ERBB4: variants seen among roughly 807,000 people sequenced by gnomAD.
ERBB4 encodes the protein erb-b2 receptor tyrosine kinase 4.
A neutral mutation model predicts 158.0 loss-of-function variants in ERBB4; 42 were observed. That is an observed-to-expected ratio of 0.27 (90% confidence interval 0.21 to 0.34). ERBB4 has a LOEUF of 0.34. Ranked by LOEUF, ERBB4 falls within the 10% of genes least tolerant of loss-of-function variation. ERBB4 has a pLI of 1.00. For missense variants in ERBB4, 1,333 were observed against 1,624.1 expected (o/e 0.82, Z 3.08); for synonymous variants, 583 against 558.7 (o/e 1.04, Z -0.61).
chr2:212,436,766 A>T (rs772854528), intron 1 of ERBB4, among the ~76,000 whole-genome samples: 51 of 152,116 alleles, frequency 3.4e-4, no homozygotes, highest in Admixed American at 1.2e-3. Context: ...TCCCATGAAC[A>T]TAACTAGAAT....
At chr2:211,818,883 TCC>T (rs2076933294) in intron 3 of ERBB4, among the ~76,000 whole-genome samples, 1 of 152,120 alleles carries the variant, frequency 6.6e-6, no homozygotes, top group Admixed American at 6.6e-5. Flanking sequence ...AGTTCTTGTC[TCC>T]AATTGAAACA....
intron 1 of ERBB4, among the ~76,000 whole-genome samples, chr2:212,443,490 C>G (rs1237876320): frequency 1.3e-5 from 2 of 152,210 alleles, no homozygotes; most frequent in South Asian, 2.1e-4. Context: ...TTGGCCCCTC[C>G]TACAACCCAG....
chr2:212,211,467 G>A (rs1165968114), intron 1 of ERBB4, among the ~76,000 whole-genome samples: 2 of 152,042 alleles, frequency 1.3e-5, no homozygotes, highest in African/African-American at 2.4e-5. Flanking sequence ...TGTCCTTAGT[G>A]CTTAGCTCTG....
At position 211,376,526 on chromosome 2, in the gene ERBB4, C is replaced by A. The variant is rs1234755132; in HGVS notation, c.*7089G>T. 8.6e-6 allele frequency: 2 copies of A among 232,570 alleles called. No individual in the cohort carries two copies. Among genetic ancestry groups the A allele is most frequent in the African/African-American group, 4.4e-5 (2 of 45,268 alleles). 14.4% of individuals were successfully genotyped at this position (232,570 alleles called of 1,614,324 possible). On this transcript the variant is annotated 3_prime_UTR_variant, in exon 28 of 28. Coordinates refer to ENST00000342788, the MANE Select transcript of ERBB4 (RefSeq NM_005235.3). ...GGCTTACCAGCAAGGTATTTTTGCA[C>A]CCCAATCCTTTGAAGATACTTCACA... is the stretch of plus-strand genomic sequence containing the variant.
chr2:212,360,315 G>T (rs1462454381), intron 1 of ERBB4, among the ~76,000 whole-genome samples: 4 of 151,584 alleles, frequency 2.6e-5, no homozygotes, highest in Admixed American at 6.6e-5. Flanking sequence ...CCAAAGAAAA[G>T]TTTTCAGCAT....
intron 7 of ERBB4, 75 bp downstream of exon 7, chr2:211,722,318 A>G: frequency 8.3e-7 from 1 of 1,209,706 alleles, no homozygotes; most frequent in Non-Finnish European, 1.2e-6. Flanking sequence ...TTCACATTAA[A>G]ATAAACTTAC....
intron 1 of ERBB4, among the ~76,000 whole-genome samples, chr2:212,140,826 T>C (rs2080438766): frequency 6.7e-6 from 1 of 150,094 alleles, no homozygotes; most frequent in Non-Finnish European, 1.5e-5. Context: ...ATTTCCCACC[T>C]GAATAGACTA....
intron 3 of ERBB4, among the ~76,000 whole-genome samples, chr2:211,878,921 A>G (rs1172732326): frequency 6.6e-6 from 1 of 152,218 alleles, no homozygotes; most frequent in Non-Finnish European, 1.5e-5. Context: ...AATGATAATA[A>G]CAAGAAAGAC....
At chr2:212,254,279 T>G (rs1574527338) in intron 1 of ERBB4, among the ~76,000 whole-genome samples, 1 of 152,258 alleles carries the variant, frequency 6.6e-6, no homozygotes, top group Non-Finnish European at 1.5e-5. Flanking sequence ...ACCCAGTGCC[T>G]AATTTCATAC....
chr2:211,539,722 T>C (rs1219381285), intron 20 of ERBB4, among the ~76,000 whole-genome samples: 1 of 151,972 alleles, frequency 6.6e-6, no homozygotes, highest in Non-Finnish European at 1.5e-5. Flanking sequence ...ACAAGCCTCC[T>C]TTAACCTTTC....
At chr2:212,067,007 C>T (rs2125437350) in intron 2 of ERBB4, among the ~76,000 whole-genome samples, 1 of 151,976 alleles carries the variant, frequency 6.6e-6, no homozygotes, top group Non-Finnish European at 1.5e-5. Context: ...TTTATAATAG[C>T]TTTTATATTT....
chr2:212,047,463 TTTTATTTA>T (rs561340076), intron 2 of ERBB4, among the ~76,000 whole-genome samples: 2 of 151,670 alleles, frequency 1.3e-5, no homozygotes, highest in East Asian at 1.9e-4. Flanking sequence ...TTCATATTAA[TTTTATTTA>T]TTTATTTATT....
intron 25 of ERBB4, among the ~76,000 whole-genome samples, chr2:211,417,601 C>T (rs1470205023): frequency 6.6e-6 from 1 of 152,140 alleles, no homozygotes; most frequent in African/African-American, 2.4e-5. Context: ...CAAATATAAA[C>T]ATTGTATTTT....
intron 3 of ERBB4, among the ~76,000 whole-genome samples, chr2:211,848,202 A>C (rs1446877849): frequency 6.6e-6 from 1 of 152,156 alleles, no homozygotes; most frequent in African/African-American, 2.4e-5. Context: ...ATTTAGAAAC[A>C]CAGCCCCTAG....
chr2:212,238,738 C>G (rs1357137), intron 1 of ERBB4, among the ~76,000 whole-genome samples: 75,304 of 151,790 alleles, frequency 0.5, 19,554 homozygotes, highest in East Asian at 0.74. Flanking sequence ...TTTTAAGCAA[C>G]GAGTTTAAAA....
intron 20 of ERBB4, among the ~76,000 whole-genome samples, chr2:211,511,946 C>A (rs1448715731): frequency 6.6e-6 from 1 of 152,002 alleles, no homozygotes; most frequent in Non-Finnish European, 1.5e-5. Flanking sequence ...TCCCATGCTT[C>A]TGAAAATAAA....
intron 20 of ERBB4, among the ~76,000 whole-genome samples, chr2:211,480,954 T>C (rs527549278): frequency 1.3e-5 from 2 of 152,310 alleles, no homozygotes; most frequent in Non-Finnish European, 2.9e-5. Flanking sequence ...ATTTAGTTCA[T>C]AAACTGCCAT....
At chr2:212,204,001 T>C (rs183991583) in intron 1 of ERBB4, among the ~76,000 whole-genome samples, 6 of 152,364 alleles carry the variant, frequency 3.9e-5, no homozygotes, top group African/African-American at 1.4e-4. Context: ...TGTCAAAAGT[T>C]AGTCAAACAT....
intron 5 of ERBB4, among the ~76,000 whole-genome samples, chr2:211,738,225 A>C (rs780259512): frequency 2.5e-4 from 38 of 152,218 alleles, no homozygotes; most frequent in Non-Finnish European, 5.1e-4. Context: ...GTTGTATGTC[A>C]TTGATTATAA....
Sources: allele counts gnomAD v4.1 joint callset (sites outside exome capture counted in the v4.1 genomes callset), GRCh38; gene constraint gnomAD v4.1.1; transcripts MANE v1.5; gene names NCBI Gene and HGNC (gene_info 2026-07-23, HGNC 2026-07-21).